CLEC2B: variants seen among roughly 807,000 people sequenced by gnomAD.
The protein encoded by CLEC2B is C-type (calcium dependent, carbohydrate-recognition domain) lectin, superfamily member 2 (activation-induced).
Under a neutral mutation model 16.2 loss-of-function variants are expected in CLEC2B, and 14 were observed. The ratio of observed to expected loss-of-function variants is 0.86; its 90% CI spans 0.57 to 1.35. The LOEUF is 1.35. Ranked by LOEUF, CLEC2B falls within the 40% of genes most tolerant of loss-of-function variation. The probability of loss-of-function intolerance (pLI) is 0.00; values close to 1 mark genes in which losing one functional copy is unlikely to be tolerated. For synonymous variants in CLEC2B, 42 were observed against 55.8 expected (o/e 0.75, Z 1.10); for missense variants, 166 against 182.3 (o/e 0.91, Z 0.52).
chr12:9,863,877 G>A (rs575587828), intron 1 of CLEC2B, among the ~76,000 whole-genome samples: 1 of 152,058 alleles, frequency 6.6e-6, no homozygotes, highest in Non-Finnish European at 1.5e-5. Context: ...GAGGTAGAAA[G>A]CTTATTCAAA....
At chr12:9,865,426 C>T (rs1213214416) in intron 1 of CLEC2B, among the ~76,000 whole-genome samples, 1 of 152,076 alleles carries the variant, frequency 6.6e-6, no homozygotes, top group Non-Finnish European at 1.5e-5. Context: ...ACAAAGGTTA[C>T]TATATAATGC....
Position 9,857,518 on chromosome 12 carries a change from T to G in CLEC2B, c.193A>C (p.Thr65Pro), listed in dbSNP as rs1283144044. 1.2e-6 allele frequency: 2 copies of G among 1,611,154 alleles called. No homozygotes were observed. The highest frequency in any genetic ancestry group is 1.7e-5 in the Admixed American group (1 of 59,784). Residue 65 changes from threonine to proline, a missense_variant, in exon 3 of 5, where the codon ACT (threonine) becomes CCT (proline). Thr to Pro is a conservative substitution (Grantham distance 38). Transcript: ENST00000228438. ...DWNSSKYNCS[T>P]QHADLTIIDN... Reference sequence around the variant, plus strand: ...ATTATAGTTAGGTCGGCATGTTGAGTGGAACAGTTGTATTTACTTGAATTC... The same window carrying G: ...ATTATAGTTAGGTCGGCATGTTGAGGGGAACAGTTGTATTTACTTGAATTC...
At chr12:9,856,401 G>T (rs1349306705) in intron 3 of CLEC2B, among the ~76,000 whole-genome samples, 2 of 152,036 alleles carry the variant, frequency 1.3e-5, no homozygotes, top group African/African-American at 4.8e-5. Context: ...CCCTTCCTAT[G>T]ATATTAAACT....
intron 3 of CLEC2B, 63 bp downstream of exon 3, chr12:9,857,408 GTGT>G: frequency 8.4e-7 from 1 of 1,187,182 alleles, no homozygotes; most frequent in Non-Finnish European, 1.2e-6. Flanking sequence ...GATTATAATG[GTGT>G]TTGAATATTT....
intron 3 of CLEC2B, chr12:9,856,897 A>G (rs1442510689): frequency 1.3e-5 from 2 of 152,088 alleles, no homozygotes; most frequent in Admixed American, 1.3e-4. Flanking sequence ...ATCAAAATTT[A>G]TTCAACAAGG....
intron 1 of CLEC2B, chr12:9,866,974 G>A (rs1433999469): frequency 6.6e-6 from 1 of 152,162 alleles, no homozygotes; most frequent in Non-Finnish European, 1.5e-5. Context: ...TAAGGACTTG[G>A]TGGTGTATAC....
intron 2 of CLEC2B, among the ~76,000 whole-genome samples, chr12:9,859,756 C>T (rs1469066760): frequency 1.3e-5 from 2 of 151,626 alleles, no homozygotes; most frequent in African/African-American, 4.8e-5. Context: ...GAAAGAGAAA[C>T]TATAGGTAGA....
chr12:9,854,705 G>T, intron 3 of CLEC2B: 1 of 498,474 alleles, frequency 2.0e-6, no homozygotes, highest in East Asian at 3.3e-5. Context: ...CTTTAGATAT[G>T]ATTCCAAATT....
chr12:9,853,529 T>C, intron 4 of CLEC2B, 121 bp from the exon 5 acceptor site: 1 of 715,760 alleles, frequency 1.4e-6, no homozygotes, highest in South Asian at 1.6e-5. Context: ...CAGTTCTCTC[T>C]TGCTAGTGTT....
At chr12:9,865,721 A>T (rs1467955991) in intron 1 of CLEC2B, among the ~76,000 whole-genome samples, 1 of 152,218 alleles carries the variant, frequency 6.6e-6, no homozygotes, top group Non-Finnish European at 1.5e-5. Context: ...TTATCAGTAC[A>T]TGGAGCATTC....
intron 3 of CLEC2B, chr12:9,854,987 C>G (rs1449956626): frequency 1.3e-5 from 2 of 154,536 alleles, no homozygotes; most frequent in African/African-American, 4.8e-5. Flanking sequence ...TTTTATTTTT[C>G]TGCTGAACAT....
At chr12:9,860,765 AAT>A (rs1301480070) in intron 2 of CLEC2B, among the ~76,000 whole-genome samples, 1 of 151,930 alleles carries the variant, frequency 6.6e-6, no homozygotes, top group East Asian at 1.9e-4. Context: ...AGATAGATAA[AAT>A]AGAGTAAATT....
At chr12:9,854,636 C>T (rs1312832677) in intron 3 of CLEC2B, 152 bp from the exon 4 acceptor site, 1 of 526,532 alleles carries the variant, frequency 1.9e-6, no homozygotes, top group East Asian at 3.2e-5. Context: ...TGAAAAAGTA[C>T]TTTATTTTTC....
At position 9,859,977 on chromosome 12, in the gene CLEC2B, A is replaced by T. The variant is rs147242575; in HGVS notation, c.74-2340T>A. Among the ~76,000 whole-genome samples, 356 of 151,862 alleles carry T rather than the reference A, an allele frequency of 2.3e-3. 1 individual carries two copies. The highest frequency in any genetic ancestry group is 8.2e-3 in the African/African-American group (339 of 41,550). ...AATAGATCAAGATAAAGCATTTGAT[A>T]TTTTAAATTAAATTAAAGGGAAGTA... On this transcript the variant is annotated intron_variant, in intron 2 of 4. Coordinates refer to ENST00000228438, the MANE Select transcript of CLEC2B (RefSeq NM_005127.3).
intron 2 of CLEC2B, 66 bp from the exon 3 acceptor site, chr12:9,857,703 C>T: frequency 8.2e-7 from 1 of 1,218,936 alleles, no homozygotes; most frequent in Non-Finnish European, 1.2e-6. Flanking sequence ...GTTTTGAGAT[C>T]ACTGGACACA....
At chr12:9,866,534 TA>T (rs1467094126) in intron 1 of CLEC2B, among the ~76,000 whole-genome samples, 1 of 152,152 alleles carries the variant, frequency 6.6e-6, no homozygotes, top group Non-Finnish European at 1.5e-5. Context: ...AAATAAAAGG[TA>T]ACTTTTGCTA....
At chr12:9,865,772 A>T (rs1867966439) in intron 1 of CLEC2B, among the ~76,000 whole-genome samples, 1 of 152,214 alleles carries the variant, frequency 6.6e-6, no homozygotes, top group Admixed American at 6.5e-5. Flanking sequence ...ACAAGTCTCA[A>T]TAAATTAAAA....
intron 4 of CLEC2B, among the ~76,000 whole-genome samples, chr12:9,853,896 C>CT: frequency 6.6e-6 from 1 of 152,066 alleles, no homozygotes. Context: ...GGCTAAGTGA[C>CT]TGAGAGTCAC....
intron 3 of CLEC2B, among the ~76,000 whole-genome samples, chr12:9,855,641 G>A (rs1434272874): frequency 1.3e-5 from 2 of 151,840 alleles, no homozygotes; most frequent in Non-Finnish European, 2.9e-5. Flanking sequence ...TCTAGACTCA[G>A]GAAAGGCTTC....
Sources: gnomAD v4.1 joint callset for allele counts (sites outside exome capture counted in the v4.1 genomes callset) on GRCh38, gnomAD v4.1.1 for gene constraint, MANE v1.5 for transcripts, NCBI Gene and HGNC (gene_info 2026-07-23, HGNC 2026-07-21) for gene names.